Variants in FUT8 observed in about 807,000 individuals in gnomAD.
The protein encoded by FUT8 is fucosyltransferase 8, also known as alpha-(1,6)-fucosyltransferase.
Under a neutral mutation model 71.3 loss-of-function variants are expected in FUT8, and 29 were observed. The observed-to-expected ratio is 0.41, with a 90% CI of 0.30 to 0.55. The LOEUF (loss-of-function observed/expected upper bound fraction) is 0.55. Among genes scored for constraint, FUT8 ranks in the 20% least tolerant of loss-of-function variants. The pLI is 0.34. For missense variants in FUT8, 544 were observed against 702.1 expected, an observed-to-expected ratio of 0.77 and a Z score of 2.55; for synonymous variants, 254 against 239.3, an observed-to-expected ratio of 1.06 and a Z score of -0.57.
At chr14:65,387,897 T>G in the FUT8 span, among the ~76,000 whole-genome samples, 1 of 152,226 alleles carries the variant, frequency 6.6e-6, no homozygotes, top group Non-Finnish European at 1.5e-5. Context: ...GTCGCACTTT[T>G]GGTTTTTAAA....
chr14:65,576,867 G>A (rs377098128), intron 3 of FUT8, among the ~76,000 whole-genome samples: 3 of 151,684 alleles, frequency 2.0e-5, no homozygotes, highest in South Asian at 2.1e-4. Flanking sequence ...TTATAGGCAC[G>A]CGTCGCCATG....
the FUT8 span, among the ~76,000 whole-genome samples, chr14:65,372,521 T>G: frequency 6.6e-6 from 1 of 152,090 alleles, no homozygotes; most frequent in Middle Eastern, 3.4e-3. Context: ...GTTCAAGTGA[T>G]TCTCCTGCCT....
chr14:65,357,741 G>A, the FUT8 span, among the ~76,000 whole-genome samples: 1 of 152,180 alleles, frequency 6.6e-6, no homozygotes, highest in Non-Finnish European at 1.5e-5. Flanking sequence ...CAAAAGTGAG[G>A]GTAATGACAA....
In FUT8 at chr14:65,638,572, G is replaced by C. The variant is rs1393990511; in HGVS notation, c.597+8966G>C. On this transcript the variant is annotated intron_variant, in intron 6 of 10. Transcript: ENST00000673929. This position sits in a 1 kb window ranked among gnomAD's most constrained non-coding sequence, Gnocchi z 4.5. Reference sequence around the variant, plus strand: ...GAAATAGAAAACTTCTCCAGTGACAGTATATGATCCTTTGGAATAAGGGGA... The same window carrying C: ...GAAATAGAAAACTTCTCCAGTGACACTATATGATCCTTTGGAATAAGGGGA... Among the ~76,000 whole-genome samples the C allele has an allele frequency of 6.6e-6, 1 of 152,026 alleles. No individual in the cohort carries two copies.
chr14:65,488,064 C>G (rs1440707152), intron 2 of FUT8, among the ~76,000 whole-genome samples: 1 of 152,158 alleles, frequency 6.6e-6, no homozygotes, highest in Non-Finnish European at 1.5e-5. Context: ...TCAAGCAGTC[C>G]TCCCACCTCT....
intron 2 of FUT8, among the ~76,000 whole-genome samples, chr14:65,465,300 C>G (rs1251296161): frequency 6.6e-6 from 1 of 152,088 alleles, no homozygotes; most frequent in East Asian, 1.9e-4. Flanking sequence ...AAATTAATCT[C>G]TTAGTCCTGC....
At chr14:65,469,920 T>C (rs1196014482) in intron 2 of FUT8, among the ~76,000 whole-genome samples, 1 of 152,200 alleles carries the variant, frequency 6.6e-6, no homozygotes, top group Non-Finnish European at 1.5e-5. Flanking sequence ...CACTGCAGTC[T>C]GCGGGACTGG....
At chr14:65,505,306 GTTTTTTT>G (rs1001286768) in intron 2 of FUT8, among the ~76,000 whole-genome samples, 4 of 95,770 alleles carry the variant, frequency 4.2e-5, no homozygotes, top group East Asian at 3.4e-4. Flanking sequence ...CTACATTTCA[GTTTTTTT>G]TTTTTTTTTT....
intron 2 of FUT8, among the ~76,000 whole-genome samples, chr14:65,515,097 G>T (rs1882620751): frequency 2.0e-5 from 3 of 152,142 alleles, no homozygotes; most frequent in Non-Finnish European, 4.4e-5. Flanking sequence ...CACACTTTAT[G>T]AAGTAGTGGT....
intron 7 of FUT8, among the ~76,000 whole-genome samples, chr14:65,681,494 G>A (rs1893034630): frequency 6.6e-6 from 1 of 151,928 alleles, no homozygotes; most frequent in Admixed American, 6.6e-5. Context: ...TATTTGCATT[G>A]GTTAAAATTA....
chr14:65,476,250 A>G (rs1179721988), intron 2 of FUT8, among the ~76,000 whole-genome samples: 1 of 152,088 alleles, frequency 6.6e-6, no homozygotes, highest in Non-Finnish European at 1.5e-5. Flanking sequence ...AAGAATTATT[A>G]TTTTTTCATC....
In FUT8 at chr14:65,489,519, G is replaced by A. The variant is rs906651870; in HGVS notation, c.-228+33801G>A. 5.3e-5 allele frequency among the ~76,000 whole-genome samples: 8 copies of A among 151,790 alleles called. No homozygotes were observed. The highest frequency in any genetic ancestry group is 1.9e-4 in the African/African-American group (8 of 41,338). On this transcript the variant is annotated intron_variant, in intron 2 of 10. Transcript: ENST00000673929. The surrounding 1 kb of genome is among the most constrained non-coding windows in gnomAD (Gnocchi z 4.0). ...AGCCATTGAGAATGTTTTTATAAAT[G>A]GACAGATCAGTTACTTAAAAAGTTC...
chr14:65,743,889 A>C lies in FUT8; in HGVS notation c.*1479A>C, dbSNP rs1410528063. ...AAAAGAAAAATGTCATCTCTGTAGG[A>C]GCGACTATCAGGCCTAGTGTGAAAT... On this transcript the variant is annotated 3_prime_UTR_variant, in exon 11 of 11. Transcript: ENST00000673929. 1 of 151,838 alleles carries C rather than the reference A, an allele frequency of 6.6e-6. No individual in the cohort carries two copies. Among genetic ancestry groups the C allele is most frequent in the Non-Finnish European group, 1.5e-5 (1 of 67,858 alleles). The allele number at this position is 151,838 out of a possible 1,614,324, so 9.4% of individuals were successfully genotyped here.
At chr14:65,358,649 C>T in the FUT8 span, among the ~76,000 whole-genome samples, 6 of 151,944 alleles carry the variant, frequency 3.9e-5, no homozygotes, top group Non-Finnish European at 4.4e-5. Context: ...GGGGTTTCTC[C>T]GTGTCGTCCA....
intron 10 of FUT8, among the ~76,000 whole-genome samples, chr14:65,736,151 T>C (rs1313719032): frequency 6.6e-6 from 1 of 152,086 alleles, no homozygotes; most frequent in Non-Finnish European, 1.5e-5. Context: ...TTTTTCTACA[T>C]GTGAAAAAAT....
chr14:65,513,897 A>AAT (rs912262290), intron 2 of FUT8, among the ~76,000 whole-genome samples: 28 of 152,194 alleles, frequency 1.8e-4, no homozygotes, highest in African/African-American at 6.0e-4. Context: ...AATGTCTATG[A>AAT]ATATATATGG....
chr14:65,523,920 C>G (rs1883261562), intron 2 of FUT8, among the ~76,000 whole-genome samples: 1 of 152,126 alleles, frequency 6.6e-6, no homozygotes, highest in African/African-American at 2.4e-5. Flanking sequence ...CTGTCCTGTT[C>G]CATTGATCTA....
At chr14:65,563,456 T>A (rs1234381306) in intron 3 of FUT8, among the ~76,000 whole-genome samples, 1 of 151,996 alleles carries the variant, frequency 6.6e-6, no homozygotes, top group Non-Finnish European at 1.5e-5. Context: ...CTACTTTGAA[T>A]CCCAGTAGTA....
intron 5 of FUT8, among the ~76,000 whole-genome samples, chr14:65,618,051 A>ATATATATATATATATG (rs1555376254): frequency 5.9e-5 from 5 of 84,290 alleles, no homozygotes; most frequent in Non-Finnish European, 1.3e-4. Context: ...ATATATATAT[A>ATATATATATATATATG]TATGTATGTA....
Sources: allele counts gnomAD v4.1 joint callset (sites outside exome capture counted in the v4.1 genomes callset), GRCh38; gene constraint gnomAD v4.1.1; non-coding constraint Gnocchi (gnomAD v3.1); transcripts MANE v1.5; gene names NCBI Gene and HGNC (gene_info 2026-07-23, HGNC 2026-07-21).